Variants in CSMD2 observed in about 807,000 individuals in gnomAD.
CSMD2 encodes CUB and Sushi multiple domains 2, also known as CUB and sushi domain-containing protein 2.
Under a neutral mutation model 398.5 loss-of-function variants are expected in CSMD2, and 130 were observed. That is an observed-to-expected ratio of 0.33 (90% confidence interval 0.28 to 0.38). CSMD2 has a LOEUF of 0.38. Ranked by LOEUF, CSMD2 falls within the 10% of genes least tolerant of loss-of-function variation. CSMD2 has a pLI of 1.00. For missense variants in CSMD2, 3,829 were observed against 4,764.9 expected (o/e 0.80, Z 5.78); for synonymous variants, 1,828 against 1,908.5 (o/e 0.96, Z 1.10).
intron 4 of CSMD2, among the ~76,000 whole-genome samples, chr1:33,927,968 G>T (rs1644183928): frequency 6.6e-6 from 1 of 152,174 alleles, no homozygotes; most frequent in Non-Finnish European, 1.5e-5. Context: ...CTCTCCTCAG[G>T]AATGCATGGA....
At position 33,753,148 on chromosome 1, in the gene CSMD2, G is replaced by C. The variant is rs1184180752; in HGVS notation, c.1847-9542C>G. 2.6e-5 allele frequency among the ~76,000 whole-genome samples: 4 copies of C among 152,348 alleles called. No homozygotes were observed. The East Asian group carries it at 7.7e-4, about 29-fold the overall frequency. ...CAGTCTGTAGAGCAACCACTTGCTA[G>C]AGAGATTAGCATTACTGAAAGGGAG... On this transcript the variant is annotated intron_variant, in intron 13 of 70. Coordinates refer to ENST00000373381, the MANE Select transcript of CSMD2 (RefSeq NM_001281956.2).
intron 54 of CSMD2, among the ~76,000 whole-genome samples, 189 bp from the exon 55 acceptor site, chr1:33,558,111 T>C (rs1658208233): frequency 6.6e-6 from 1 of 152,170 alleles, no homozygotes; most frequent in Non-Finnish European, 1.5e-5. Context: ...ATCACCTCCT[T>C]AGAGAACTCC....
chr1:34,165,171 C>CT lies in CSMD2; in HGVS notation c.-75dup. 8.4e-7 allele frequency: 1 copy of CT among 1,190,326 alleles called. No homozygotes were observed. 73.7% of individuals were successfully genotyped at this position (1,190,326 alleles called of 1,614,324 possible). On this transcript the variant is annotated 5_prime_UTR_variant, in exon 1 of 71. Coordinates refer to ENST00000373381, the MANE Select transcript of CSMD2 (RefSeq NM_001281956.2). ...AAAGGAGGTCAGGAGAGCTCTGGAG[C>CT]TTTTTTCTGCTCGGAAAAAATCCCG... is the stretch of plus-strand genomic sequence containing the variant.
Position 33,583,840 on chromosome 1 carries a change from A to G in CSMD2, c.7052-10T>C. On this transcript the variant is annotated splice_polypyrimidine_tract_variant and intron_variant, in intron 46 of 70. Coordinates refer to ENST00000373381, the MANE Select transcript of CSMD2 (RefSeq NM_001281956.2). Reference sequence around the variant, plus strand: ...TTTGTTGGACAGTGCACTTGGAGAAAGAAAGAGAAACACCAAGTACGTGGG... The same window carrying G: ...TTTGTTGGACAGTGCACTTGGAGAAGGAAAGAGAAACACCAAGTACGTGGG... The G allele has an allele frequency of 2.5e-6, 4 of 1,610,764 alleles. No homozygotes were observed. Among genetic ancestry groups the G allele is most frequent in the Non-Finnish European group, 3.4e-6 (4 of 1,177,976 alleles).
intron 19 of CSMD2, among the ~76,000 whole-genome samples, chr1:33,720,398 T>A (rs1183472557): frequency 1.3e-5 from 2 of 151,958 alleles, no homozygotes; most frequent in African/African-American, 2.4e-5. Flanking sequence ...GAGCCCAACC[T>A]AGATGCAGAG....
chr1:34,139,251 T>C (rs1447180710), intron 1 of CSMD2, among the ~76,000 whole-genome samples: 2 of 152,134 alleles, frequency 1.3e-5, no homozygotes, highest in Non-Finnish European at 2.9e-5. Context: ...TGGGTTATCA[T>C]GGGAGTGGAA....
chr1:33,612,431 T>C (rs1423256437), intron 40 of CSMD2, among the ~76,000 whole-genome samples: 2 of 152,178 alleles, frequency 1.3e-5, no homozygotes, highest in East Asian at 3.8e-4. Context: ...TTCCAGTTCA[T>C]GGTTTTGGAT....
chr1:33,836,564 G>A (rs190914044), intron 6 of CSMD2, among the ~76,000 whole-genome samples: 2 of 152,158 alleles, frequency 1.3e-5, no homozygotes, highest in Non-Finnish European at 1.5e-5. Context: ...CAGCAATGGT[G>A]GGCACCCCTC....
intron 3 of CSMD2, among the ~76,000 whole-genome samples, chr1:33,999,598 C>T (rs1002407057): frequency 2.0e-5 from 3 of 151,746 alleles, no homozygotes; most frequent in Non-Finnish European, 4.4e-5. Context: ...CATTATATTG[C>T]CCAGTCTGGT....
At chr1:33,994,314 C>G (rs1346255189) in intron 3 of CSMD2, among the ~76,000 whole-genome samples, 15 of 152,016 alleles carry the variant, frequency 9.9e-5, no homozygotes, top group Non-Finnish European at 4.4e-5. Flanking sequence ...GAGTGACAGG[C>G]AGGCAAATTT....
At chr1:33,723,284 A>G (rs907438815) in intron 19 of CSMD2, among the ~76,000 whole-genome samples, 1 of 152,268 alleles carries the variant, frequency 6.6e-6, no homozygotes, top group African/African-American at 2.4e-5. Flanking sequence ...TTACTGGCAA[A>G]GTGTTCTGAA....
intron 10 of CSMD2, among the ~76,000 whole-genome samples, chr1:33,800,978 GA>G (rs528675818): frequency 1.6e-3 from 189 of 119,318 alleles, no homozygotes; most frequent in African/African-American, 4.4e-3. Context: ...ATAAGTGAGT[GA>G]ACAAATGGGC....
At chr1:33,569,714 A>G (rs1271905823) in intron 51 of CSMD2, among the ~76,000 whole-genome samples, 167 bp from the exon 52 acceptor site, 1 of 152,174 alleles carries the variant, frequency 6.6e-6, no homozygotes, top group Non-Finnish European at 1.5e-5. Context: ...TGGCACCTCA[A>G]CTGGAGGTGT....
intron 6 of CSMD2, among the ~76,000 whole-genome samples, chr1:33,827,096 A>T (rs1415415872): frequency 1.3e-5 from 2 of 152,212 alleles, no homozygotes; most frequent in Admixed American, 6.5e-5. Context: ...TCCTGATTCA[A>T]GTCTGAGATA....
At chr1:33,907,263 C>A (rs934954459) in intron 5 of CSMD2, among the ~76,000 whole-genome samples, 2 of 151,478 alleles carry the variant, frequency 1.3e-5, no homozygotes, top group Non-Finnish European at 2.9e-5. Flanking sequence ...GGACCACAGG[C>A]GTCTGCCACC....
In CSMD2 at chr1:33,636,277, C is replaced by T. The variant is rs1642796333; in HGVS notation, c.4969+83G>A. On this transcript the variant is annotated intron_variant, in intron 30 of 70. Transcript: ENST00000373381. The surrounding 1 kb of genome is among the most constrained non-coding windows in gnomAD (Gnocchi z 4.8). ...AGCCGGGCTTGAGGACCTTGCCCCC[C>T]TCCCTTCCCCAGCCCACAGCACCCT... 7.2e-7 allele frequency: 1 copy of T among 1,387,844 alleles called. No homozygotes were observed. Among genetic ancestry groups the T allele is most frequent in the Admixed American group, 2.3e-5 (1 of 42,554 alleles). The allele number at this position is 1,387,844 out of a possible 1,614,324, so 86.0% of individuals were successfully genotyped here. A position where few individuals can be genotyped will look rare whatever the true frequency, so the allele number is the denominator to read the frequency against.
At chr1:34,093,374 G>T (rs899876930) in intron 1 of CSMD2, among the ~76,000 whole-genome samples, 13 of 152,216 alleles carry the variant, frequency 8.5e-5, no homozygotes, top group African/African-American at 2.4e-4. Context: ...AAGGAACGCA[G>T]CTCCTCACCA....
At chr1:33,653,801 C>T (rs1291387929) in intron 27 of CSMD2, among the ~76,000 whole-genome samples, 1 of 152,104 alleles carries the variant, frequency 6.6e-6, no homozygotes, top group African/African-American at 2.4e-5. Context: ...AACCACAGGG[C>T]ACCATCAGAG....
At chr1:34,015,628 C>A (rs1162256529) in intron 3 of CSMD2, among the ~76,000 whole-genome samples, 1 of 152,148 alleles carries the variant, frequency 6.6e-6, no homozygotes, top group Non-Finnish European at 1.5e-5. Context: ...TCTGGTACAA[C>A]AGGAGGGCCA....
Sources: allele counts gnomAD v4.1 joint callset (sites outside exome capture counted in the v4.1 genomes callset), GRCh38; gene constraint gnomAD v4.1.1; non-coding constraint Gnocchi (gnomAD v3.1); transcripts MANE v1.5; gene names NCBI Gene and HGNC (gene_info 2026-07-23, HGNC 2026-07-21).